COL24A1: variants seen among roughly 807,000 people sequenced by gnomAD.
The protein encoded by COL24A1 is collagen alpha-1(XXIV) chain.
Under a neutral mutation model 253.9 loss-of-function variants are expected in COL24A1, and 224 were observed. That is an observed-to-expected ratio of 0.88 (90% CI 0.79 to 0.99). The LOEUF (loss-of-function observed/expected upper bound fraction) is 0.99. COL24A1 is among the 50% of genes least tolerant of loss of function. The pLI is 0.00. For missense variants in COL24A1, 2,131 were observed against 2,068.5 expected (o/e 1.03, Z -0.59); for synonymous variants, 685 against 673.7 (o/e 1.02, Z -0.26).
At chr1:85,743,242 T>C (rs1160427999) in intron 57 of COL24A1, among the ~76,000 whole-genome samples, 1 of 152,156 alleles carries the variant, frequency 6.6e-6, no homozygotes, top group Non-Finnish European at 1.5e-5. Context: ...CCTATCATTC[T>C]CCCCTATATG....
Position 86,126,071 on chromosome 1 carries a change from A to G in COL24A1, c.265T>C (p.Tyr89His). The G allele has an allele frequency of 6.2e-7, 1 of 1,613,534 alleles. No homozygotes were observed. The highest frequency in any genetic ancestry group is 8.5e-7 in the Non-Finnish European group (1 of 1,179,750). ...ESGVIFKNDAYIETPFVKILP... is the reference protein window; with the variant it reads ...ESGVIFKNDAHIETPFVKILP... ...ATTTTCACGAAAGGTGTCTCGATATAAGCATCATTTTTAAAAATGACTCCT... is the reference window on the plus strand; with the variant it reads ...ATTTTCACGAAAGGTGTCTCGATATGAGCATCATTTTTAAAAATGACTCCT... The change falls in exon 3 of 60, where the codon TAT (tyrosine) becomes CAT (histidine). Residue 89 changes from tyrosine (Y) to histidine (H), a missense_variant. Physicochemically the swap from Tyr to His is moderately conservative, Grantham distance 83 (BLOSUM62 2). Transcript: ENST00000370571.
At chr1:86,100,494 C>T (rs571555349) in intron 5 of COL24A1, among the ~76,000 whole-genome samples, 2 of 151,902 alleles carry the variant, frequency 1.3e-5, no homozygotes, top group Non-Finnish European at 2.9e-5. Context: ...TGGTTTTTGT[C>T]CCCAGTTCCT....
chr1:86,138,551 T>A (rs994145404), intron 2 of COL24A1, among the ~76,000 whole-genome samples: 2 of 152,118 alleles, frequency 1.3e-5, no homozygotes, highest in African/African-American at 4.8e-5. Flanking sequence ...AGGGGGAGTT[T>A]CCCTGCACAG....
intron 12 of COL24A1, among the ~76,000 whole-genome samples, chr1:86,038,813 A>G (rs1699229667): frequency 6.6e-6 from 1 of 152,050 alleles, no homozygotes; most frequent in African/African-American, 2.4e-5. Context: ...AACTAGCACC[A>G]ACTTGGCCAG....
chr1:86,039,905 A>G (rs1699326442), intron 12 of COL24A1, among the ~76,000 whole-genome samples: 1 of 152,044 alleles, frequency 6.6e-6, no homozygotes, highest in South Asian at 2.1e-4. Context: ...AGCAAGGACA[A>G]TTTGATCCAC....
chr1:86,050,010 C>G (rs1479308636), intron 11 of COL24A1, 114 bp downstream of exon 11: 2 of 811,258 alleles, frequency 2.5e-6, no homozygotes, highest in South Asian at 5.7e-5. Flanking sequence ...TTTTCTTCAA[C>G]CTGGCTTGCT....
intron 52 of COL24A1, among the ~76,000 whole-genome samples, chr1:85,776,158 A>T (rs932366336): frequency 2.0e-5 from 3 of 152,048 alleles, no homozygotes; most frequent in Non-Finnish European, 4.4e-5. Flanking sequence ...TGCAGTTCAA[A>T]ATATTTTCTA....
At chr1:86,077,341 G>T (rs1174693125) in intron 7 of COL24A1, among the ~76,000 whole-genome samples, 2 of 152,164 alleles carry the variant, frequency 1.3e-5, no homozygotes, top group African/African-American at 4.8e-5. Flanking sequence ...GGAAACAACA[G>T]ATGCTGGAGA....
chr1:86,003,886 G>A (rs1240647371), intron 19 of COL24A1, among the ~76,000 whole-genome samples: 2 of 152,098 alleles, frequency 1.3e-5, no homozygotes, highest in African/African-American at 4.8e-5. Flanking sequence ...TGCCCACCAG[G>A]AAGCATATAC....
At position 86,132,397 on chromosome 1, in the gene COL24A1, T is replaced by G. The variant is rs150089414; in HGVS notation, c.122-6183A>C. ...AGATCCCATTTGTCAATTTTGGCTT[T>G]TGTTGCCATTGCTTTTGGTGTTTTA... On this transcript the variant is annotated intron_variant, in intron 2 of 59. Coordinates refer to ENST00000370571, the MANE Select transcript of COL24A1 (RefSeq NM_152890.7). Among the ~76,000 whole-genome samples, 793 of 152,292 alleles carry G rather than the reference T, an allele frequency of 5.2e-3. 13 individuals are homozygous for G. The East Asian group carries it at 0.065, about 13-fold the overall frequency.
At chr1:85,938,006 T>C (rs1688386414) in intron 24 of COL24A1, among the ~76,000 whole-genome samples, 1 of 147,362 alleles carries the variant, frequency 6.8e-6, no homozygotes, top group Non-Finnish European at 1.5e-5. Flanking sequence ...GATCTAATTG[T>C]CATATTACAT....
At chr1:86,155,213 G>C (rs1327708042) in intron 1 of COL24A1, 1 of 152,120 alleles carries the variant, frequency 6.6e-6, no homozygotes, top group Non-Finnish European at 1.5e-5. Context: ...CCAGCAGCGA[G>C]GCTTCCAGGG....
intron 5 of COL24A1, among the ~76,000 whole-genome samples, chr1:86,110,647 C>A (rs532716941): frequency 5.3e-5 from 8 of 152,222 alleles, no homozygotes; most frequent in Admixed American, 1.3e-4. Flanking sequence ...AGGCCCCACA[C>A]TCCCAGCGGC....
chr1:85,933,564 T>C (rs1039530193), intron 24 of COL24A1, among the ~76,000 whole-genome samples: 1 of 152,212 alleles, frequency 6.6e-6, no homozygotes, highest in African/African-American at 2.4e-5. Context: ...AGGTGCCATA[T>C]AACCTCTTCC....
intron 54 of COL24A1, 40 bp downstream of exon 54, chr1:85,761,491 A>G: frequency 6.2e-7 from 1 of 1,613,992 alleles, no homozygotes; most frequent in South Asian, 1.1e-5. Context: ...CAAACATATA[A>G]GCATCAATGG....
Position 86,050,126 on chromosome 1 carries a change from G to A in COL24A1, c.1903C>T (p.Arg635Trp), listed in dbSNP as rs188072261. The A allele has an allele frequency of 3.1e-4, 505 of 1,612,664 alleles. No individual in the cohort carries two copies. Among genetic ancestry groups the A allele is most frequent in the Non-Finnish European group, 4.0e-4 (469 of 1,178,928 alleles). ...EAGQLGPEGE[R>W]GIPGIRGKKG... is the part of the protein sequence containing the mutation. ...CTATTTGAAGGGAATGGACTTACCC[G>A]TTCTCCTTCAGGTCCCAGTTGTCCC... Residue 635 changes from arginine (R) to tryptophan (W), a missense_variant and splice_region_variant, in exon 11 of 60, where the codon CGG becomes TGG. By Grantham distance (101) the Arg-to-Trp change is moderately radical. Transcript: ENST00000370571.
chr1:86,098,517 G>A (rs1296414481), intron 5 of COL24A1, among the ~76,000 whole-genome samples: 1 of 152,150 alleles, frequency 6.6e-6, no homozygotes, highest in African/African-American at 2.4e-5. Flanking sequence ...AATATCAGCT[G>A]CTGGTCACCA....
intron 3 of COL24A1, among the ~76,000 whole-genome samples, chr1:86,120,887 C>G (rs1647237158): frequency 6.6e-6 from 1 of 152,116 alleles, no homozygotes; most frequent in South Asian, 2.1e-4. Flanking sequence ...GACTTGGAAC[C>G]AACCCAAATG....
rs1558568073 is a variant in COL24A1, at chr1:85,896,119, C to CTAGCA, written c.2833-55_2833-54insTGCTA. 394 of 1,563,890 alleles carry CTAGCA rather than the reference C, an allele frequency of 2.5e-4. 3 individuals are homozygous for CTAGCA. The highest frequency in any genetic ancestry group is 1.2e-3 in the Middle Eastern group (7 of 5,732). On this transcript the variant is annotated intron_variant, in intron 29 of 59. Transcript: ENST00000370571. The stretch of plus-strand genomic sequence containing the variant: ...AGTAAGAATGTGAATTATGGTCTTA[C>CTAGCA]TATGCTAGCATATGCTAGCATACAC...
Sources: allele counts gnomAD v4.1 joint callset (sites outside exome capture counted in the v4.1 genomes callset), GRCh38; gene constraint gnomAD v4.1.1; transcripts MANE v1.5; gene names NCBI Gene and HGNC (gene_info 2026-07-23, HGNC 2026-07-21).